PDE5A: variants seen among roughly 807,000 people sequenced by gnomAD.
PDE5A encodes the protein phosphodiesterase 5A, also known as cGMP-specific 3',5'-cyclic phosphodiesterase.
In PDE5A, 67 loss-of-function variants were observed where a neutral mutation model predicts 110.2. The observed-to-expected ratio is 0.61, with a 90% CI of 0.50 to 0.75. The LOEUF is 0.75. Ranked by LOEUF, PDE5A falls within the 30% of genes least tolerant of loss-of-function variation. The probability of loss-of-function intolerance (pLI) is 0.00; values close to 1 mark genes in which losing one functional copy is unlikely to be tolerated. For synonymous variants in PDE5A, 328 were observed against 351.2 expected (o/e 0.93, Z 0.74); for missense variants, 862 against 1,045.1 (o/e 0.82, Z 2.42).
chr4:119,554,518 G>A (rs536384651), intron 7 of PDE5A, among the ~76,000 whole-genome samples: 105 of 152,206 alleles, frequency 6.9e-4, no homozygotes, highest in African/African-American at 2.2e-3. Context: ...AGGAAACTCC[G>A]TATGTTCCCT....
intron 3 of PDE5A, among the ~76,000 whole-genome samples, chr4:119,572,410 C>T (rs552432235): frequency 1.3e-5 from 2 of 152,272 alleles, no homozygotes; most frequent in Admixed American, 1.3e-4. Context: ...ATTATGTCTT[C>T]CCATTTTTGG....
intron 12 of PDE5A, among the ~76,000 whole-genome samples, chr4:119,522,864 A>G (rs1429787413): frequency 1.3e-5 from 2 of 152,048 alleles, no homozygotes; most frequent in Non-Finnish European, 2.9e-5. Flanking sequence ...TGCAGTTTGG[A>G]TGACTCTACA....
intron 11 of PDE5A, among the ~76,000 whole-genome samples, chr4:119,537,738 A>G (rs190524130): frequency 6.6e-6 from 1 of 151,854 alleles, no homozygotes; most frequent in East Asian, 2.0e-4. Flanking sequence ...TGATTGCTGA[A>G]GATGTTCACT....
At chr4:119,622,173 CAAAAAAAAAAAAA>C (rs11334790) in intron 1 of PDE5A, among the ~76,000 whole-genome samples, 1 of 135,850 alleles carries the variant, frequency 7.4e-6, no homozygotes, top group Non-Finnish European at 1.6e-5. Flanking sequence ...GACTCCATCT[CAAAAAAAAAAAAA>C]AGAAAAGAAA....
At chr4:119,528,058 A>AT (rs1200561885) in intron 11 of PDE5A, among the ~76,000 whole-genome samples, 4 of 152,042 alleles carry the variant, frequency 2.6e-5, no homozygotes, top group South Asian at 2.1e-4. Flanking sequence ...GAATGCAAAA[A>AT]AAAAATAAAA....
At chr4:119,613,625 CG>C (rs1416630682) in intron 1 of PDE5A, among the ~76,000 whole-genome samples, 2 of 152,030 alleles carry the variant, frequency 1.3e-5, no homozygotes, top group Admixed American at 1.3e-4. Context: ...TAGAAAGCAA[CG>C]GATGGAAATC....
Position 119,581,869 on chromosome 4 carries a change from T to C in PDE5A, c.831+14654A>G, listed in dbSNP as rs191687153. Among the ~76,000 whole-genome samples the C allele has an allele frequency of 2.3e-3, 348 of 152,352 alleles. 2 individuals carry two copies. The highest frequency in any genetic ancestry group is 8.0e-3 in the African/African-American group (331 of 41,582). On this transcript the variant is annotated intron_variant, in intron 3 of 20. Coordinates refer to ENST00000354960, the MANE Select transcript of PDE5A (RefSeq NM_001083.4). ...CACTATGTCTAAAAAACAATGTACA[T>C]ACCATAATTAAAAAATACTTTATTG...
Position 119,495,639 on chromosome 4 carries a change from A to G in PDE5A, c.*2962T>C, listed in dbSNP as rs1725033721. 2 of 152,582 alleles carry G rather than the reference A, an allele frequency of 1.3e-5. No homozygotes were observed. The highest frequency in any genetic ancestry group is 2.9e-5 in the Non-Finnish European group (2 of 68,036). 9.5% of individuals were successfully genotyped at this position (152,582 alleles called of 1,614,324 possible). A position where few individuals can be genotyped will look rare whatever the true frequency, so the allele number is the denominator to read the frequency against. ...TCTCCAAGAATCCAATATTTCCAGT[A>G]TATTTTCATATACTTTCTTATCTCT... On this transcript the variant is annotated 3_prime_UTR_variant, in exon 21 of 21. Coordinates refer to ENST00000354960, the MANE Select transcript of PDE5A (RefSeq NM_001083.4).
chr4:119,550,500 G>A (rs1474167535), intron 9 of PDE5A: 3 of 152,220 alleles, frequency 2.0e-5, no homozygotes, highest in African/African-American at 7.2e-5. Context: ...ACAATGCTGT[G>A]AGTCCGACCC....
intron 9 of PDE5A, chr4:119,552,025 A>G (rs947405543): frequency 6.6e-5 from 10 of 152,114 alleles, no homozygotes; most frequent in Non-Finnish European, 7.4e-5. Flanking sequence ...ACATCATTCA[A>G]TTTTTCTGAG....
chr4:119,564,330 T>C (rs1421465362), intron 5 of PDE5A, among the ~76,000 whole-genome samples: 1 of 152,076 alleles, frequency 6.6e-6, no homozygotes, highest in Admixed American at 6.6e-5. Flanking sequence ...CATATTTTCA[T>C]ACATGCAAGG....
chr4:119,527,795 A>AT (rs1726380502), intron 11 of PDE5A, among the ~76,000 whole-genome samples: 1 of 151,196 alleles, frequency 6.6e-6, no homozygotes, highest in East Asian at 1.9e-4. Context: ...GAAAGAACAT[A>AT]TTTTACAGAG....
intron 3 of PDE5A, among the ~76,000 whole-genome samples, chr4:119,583,072 C>G (rs6833334): frequency 6.6e-6 from 1 of 152,018 alleles, no homozygotes. Context: ...ATTGACTTCT[C>G]CTCTCTGGCT....
At chr4:119,513,534 G>GTT (rs1725817363) in intron 14 of PDE5A, among the ~76,000 whole-genome samples, 1 of 152,096 alleles carries the variant, frequency 6.6e-6, no homozygotes, top group Non-Finnish European at 1.5e-5. Flanking sequence ...TTCATCTCAG[G>GTT]TTGTGTCTCC....
Position 119,583,724 on chromosome 4 carries a change from G to T in PDE5A, c.831+12799C>A, listed in dbSNP as rs76307726. On this transcript the variant is annotated intron_variant, in intron 3 of 20. Transcript: ENST00000354960. ...GAATAGGGAGGCCAAAGGAGAAGGA[G>T]AGAGACAGGGGAACATGAAGAAGGT... Among the ~76,000 whole-genome samples the T allele has an allele frequency of 2.0e-4, 30 of 152,340 alleles. No homozygotes were observed. In the East Asian group the frequency reaches 5.8e-3, roughly 29 times the overall value.
At chr4:119,507,579 T>C in intron 16 of PDE5A, 25 bp downstream of exon 16, 1 of 1,367,240 alleles carries the variant, frequency 7.3e-7, no homozygotes, top group Non-Finnish European at 1.0e-6. Flanking sequence ...AATACCTATT[T>C]CTCAGGTTAT....
At chr4:119,623,059 A>T (rs1730215495) in intron 1 of PDE5A, among the ~76,000 whole-genome samples, 1 of 151,284 alleles carries the variant, frequency 6.6e-6, no homozygotes, top group African/African-American at 2.4e-5. Flanking sequence ...AAAGTAATTT[A>T]AAATGAGAAT....
intron 3 of PDE5A, among the ~76,000 whole-genome samples, chr4:119,577,807 A>G (rs1297143518): frequency 2.0e-5 from 3 of 152,198 alleles, no homozygotes; most frequent in East Asian, 3.8e-4. Context: ...CACCACTCCT[A>G]TTCAACACAG....
rs766804562 is a variant in PDE5A, at chr4:119,596,580, A to G, written c.774T>C (p.Ile258=). The G allele has an allele frequency of 1.9e-6, 3 of 1,601,356 alleles. No individual in the cohort carries two copies. The Admixed American group carries it at 5.1e-5, about 27-fold the overall frequency. Residue 258 remains isoleucine (I), a synonymous_variant, in exon 3 of 21, where the codon ATT becomes ATC. Coordinates refer to ENST00000354960, the MANE Select transcript of PDE5A (RefSeq NM_001083.4). ...DPRFNAEVDQ[I]TGYKTQSILC... ...GAATGCTTTGTGTCTTGTAGCCTGT[A>G]ATTTGGTCAACTTCTGCATTGAACC...
Sources: allele counts gnomAD v4.1 joint callset (sites outside exome capture counted in the v4.1 genomes callset), GRCh38; gene constraint gnomAD v4.1.1; transcripts MANE v1.5; gene names NCBI Gene and HGNC (gene_info 2026-07-23, HGNC 2026-07-21).